The following LONP1 variants were observed in gnomAD, a reference collection of about 807,000 sequenced individuals.
LONP1 encodes lon protease homolog, mitochondrial.
Under a neutral mutation model 98.5 loss-of-function variants are expected in LONP1, and 31 were observed. The observed-to-expected ratio is 0.31, with a 90% CI of 0.24 to 0.42. LONP1 has a LOEUF of 0.42. Among genes scored for constraint, LONP1 ranks in the 20% least tolerant of loss-of-function variants. The probability of loss-of-function intolerance (pLI) is 1.00; values close to 1 mark genes in which losing one functional copy is unlikely to be tolerated. For synonymous variants in LONP1, 781 were observed against 594.7 expected (o/e 1.31, Z -4.56); for missense variants, 1,336 against 1,350.6 (o/e 0.99, Z 0.17).
chr19:5,704,404 C>T (rs1230769179), intron 8 of LONP1, among the ~76,000 whole-genome samples: 1 of 152,172 alleles, frequency 6.6e-6, no homozygotes, highest in African/African-American at 2.4e-5. Context: ...ACAGCCTTCG[C>T]GCGCAACCAG....
At position 5,693,309 on chromosome 19, in the gene LONP1, TCTC is replaced by T; in HGVS notation, c.2689_2691del (p.Glu897del). On this transcript the variant is annotated inframe_deletion, in exon 17 of 18. Transcript: ENST00000360614. ...ACAGGGACACTCACCGCAATGGTCT[TCTC>T]CTTGATGCCACCAACAGGCAGGATC... 1.2e-6 allele frequency: 2 copies of T among 1,611,782 alleles called. No individual in the cohort carries two copies. Among genetic ancestry groups the T allele is most frequent in the Non-Finnish European group, 1.7e-6 (2 of 1,178,662 alleles).
At chr19:5,718,341 G>A (rs769412392) in intron 1 of LONP1, among the ~76,000 whole-genome samples, 19 of 152,000 alleles carry the variant, frequency 1.3e-4, no homozygotes, top group Non-Finnish European at 2.6e-4. Context: ...AGCCAGCCAC[G>A]GTGGCGGGCG....
At chr19:5,701,308 T>A (rs556403778) in intron 8 of LONP1, among the ~76,000 whole-genome samples, 1 of 152,264 alleles carries the variant, frequency 6.6e-6, no homozygotes, top group Non-Finnish European at 1.5e-5. Context: ...CTTCTGCCTC[T>A]GCCTCTGCCC....
intron 8 of LONP1, among the ~76,000 whole-genome samples, chr19:5,702,431 G>A (rs2055069911): frequency 1.3e-5 from 2 of 150,662 alleles, no homozygotes; most frequent in South Asian, 4.2e-4. Context: ...CCCCTACTGG[G>A]AAGTGAGGAG....
intron 1 of LONP1, among the ~76,000 whole-genome samples, chr19:5,718,612 A>T (rs1402541148): frequency 6.6e-6 from 1 of 151,760 alleles, no homozygotes; most frequent in Non-Finnish European, 1.5e-5. Flanking sequence ...GAGTCTGGAG[A>T]GTGAGCGCAG....
In LONP1 at chr19:5,696,266, G is replaced by A. The variant is rs1046216797; in HGVS notation, c.1879C>T (p.Pro627Ser). 7.4e-6 allele frequency: 12 copies of A among 1,613,320 alleles called. No homozygotes were observed. In the East Asian group the frequency reaches 1.1e-4, roughly 15 times the overall value. ...CCCCCCACCTTGGACAAGTCCACGG[G>A]CACGTCCAGGTAGTGGTCCAGGAAG... is the stretch of plus-strand genomic sequence containing the variant. ...ANFLDHYLDV[P>S]VDLSKVLFIC... The change falls in exon 12 of 18, where the codon CCC becomes TCC. Residue 627 changes from proline (P) to serine (S), a missense_variant. This residue lies in a region of LONP1 where 555 missense variants were observed against 542.6 expected (regional missense o/e 1.02). Transcript: ENST00000360614.
chr19:5,703,957 C>T (rs369021608), intron 8 of LONP1, among the ~76,000 whole-genome samples: 9 of 152,194 alleles, frequency 5.9e-5, no homozygotes, highest in Admixed American at 2.6e-4. Flanking sequence ...CGCTGGGAGA[C>T]AGAAGAACCC....
rs527677472 is a variant in LONP1, at chr19:5,719,744, G to C, written c.389C>G (p.Thr130Ser). 8.7e-6 allele frequency: 14 copies of C among 1,613,762 alleles called. No individual in the cohort carries two copies. Among genetic ancestry groups the C allele is most frequent in the Non-Finnish European group, 1.2e-5 (14 of 1,180,040 alleles). Reference sequence around the variant, plus strand: ...AAAGCGCGGGAACACCGGGTTGCGGGTGATGGCGATGAGCGGCAGGTGCGG... The same window carrying C: ...AAAGCGCGGGAACACCGGGTTGCGGCTGATGGCGATGAGCGGCAGGTGCGG... ...VFPHLPLIAI[T>S]RNPVFPRFIK... Residue 130 changes from threonine (T) to serine (S), a missense_variant, in exon 1 of 18, where the codon ACC becomes AGC. This residue lies in a region of LONP1 where 457 missense variants were observed against 403.1 expected (regional missense o/e 1.13). Transcript: ENST00000360614.
At chr19:5,714,548 A>T (rs1201530731) in intron 1 of LONP1, among the ~76,000 whole-genome samples, 1 of 149,814 alleles carries the variant, frequency 6.7e-6, no homozygotes, top group East Asian at 2.0e-4. Flanking sequence ...CAGGTGATCC[A>T]CCCACCTCAG....
In LONP1 at chr19:5,694,773, C is replaced by A; in HGVS notation, c.2142G>T (p.Lys714Asn). 1.9e-6 allele frequency: 3 copies of A among 1,591,012 alleles called. No homozygotes were observed. The highest frequency in any genetic ancestry group is 1.7e-6 in the Non-Finnish European group (2 of 1,161,808). ...GCTGGCCGCTCACCTTCTCCACTTG[C>A]TTCTGCAGGTTGCGGACACCGCTCT... ...CRESGVRNLQ[K>N]QVEKVLRKSA... The change falls in exon 14 of 18, where the codon AAG becomes AAT. Residue 714 changes from lysine to asparagine, a missense_variant. Lys to Asn is a moderately conservative substitution (Grantham distance 94, BLOSUM62 0). Around this residue, in one of 5 missense-constraint regions of LONP1, gnomAD observed 555 missense variants for 542.6 expected, o/e 1.02. Coordinates refer to ENST00000360614, the MANE Select transcript of LONP1 (RefSeq NM_004793.4).
At chr19:5,697,382 A>G (rs1411146543) in intron 10 of LONP1, among the ~76,000 whole-genome samples, 1 of 151,652 alleles carries the variant, frequency 6.6e-6, no homozygotes, top group South Asian at 2.1e-4. Context: ...GGAGAGAGCC[A>G]CGTGAGGGTC....
At chr19:5,710,768 A>G (rs2055224084) in intron 4 of LONP1, among the ~76,000 whole-genome samples, 1 of 152,072 alleles carries the variant, frequency 6.6e-6, no homozygotes, top group Non-Finnish European at 1.5e-5. Context: ...GCTCACGACT[A>G]TAATCCCAGC....
chr19:5,697,185 C>G (rs72979052), intron 10 of LONP1, among the ~76,000 whole-genome samples: 5 of 151,992 alleles, frequency 3.3e-5, no homozygotes, highest in Non-Finnish European at 7.4e-5. Flanking sequence ...CACAGGGGCC[C>G]GGCCCGCGAC....
rs751079694 is a variant in LONP1, at chr19:5,713,188, T to C, written c.584A>G (p.His195Arg). The C allele has an allele frequency of 1.5e-5, 25 of 1,614,048 alleles. No individual in the cohort carries two copies. Among genetic ancestry groups the C allele is most frequent in the East Asian group, 2.2e-5 (1 of 44,884 alleles). The part of the protein sequence containing the change: ...IYHTGTFAQI[H>R]EMQDLGDKLR... ...CTTGTCCCCAAGGTCCTGCATCTCA[T>C]GGATCTGGGCAAACGTCCCCGTGTG... The change falls in exon 3 of 18, where the codon CAT (histidine) becomes CGT (arginine). Residue 195 changes from histidine (H) to arginine (R), a missense_variant. Physicochemically the swap from His to Arg is conservative, Grantham distance 29. This residue lies in a region of LONP1 where 457 missense variants were observed against 403.1 expected (regional missense o/e 1.13). Coordinates refer to ENST00000360614, the MANE Select transcript of LONP1 (RefSeq NM_004793.4).
At chr19:5,695,521 C>CA (rs1431128288) in intron 13 of LONP1, among the ~76,000 whole-genome samples, 1 of 152,218 alleles carries the variant, frequency 6.6e-6, no homozygotes, top group Non-Finnish European at 1.5e-5. Flanking sequence ...TTGAAGCCCC[C>CA]AGGGGACACG....
chr19:5,707,591 G>T, intron 6 of LONP1, 106 bp downstream of exon 6: 1 of 1,237,184 alleles, frequency 8.1e-7, no homozygotes, highest in Non-Finnish European at 1.2e-6. Context: ...AGGGCAGCCA[G>T]GCATGGGGGA....
intron 8 of LONP1, 104 bp downstream of exon 8, chr19:5,705,668 C>T: frequency 1.0e-6 from 1 of 959,984 alleles, no homozygotes; most frequent in Non-Finnish European, 1.6e-6. Flanking sequence ...CCTGCCACAC[C>T]AAGAAGGTGC....
chr19:5,708,107 C>T, intron 5 of LONP1: 1 of 610,138 alleles, frequency 1.6e-6, no homozygotes. Context: ...GCCAATGCCA[C>T]CAACAGCTTC....
rs1369799554 is a variant in LONP1 at position 5,719,835 on chromosome 19, TGCCCCCCGCGCC to T, written c.286_297del (p.Gly96_Gly99del). ...ACCGGGCCTTCCCCGGCGCCCGCGC[TGCCCCCCGCGCC>T]GCCGGCTCCTTCCTCCGCGCCGCCC... On this transcript the variant is annotated inframe_deletion, in exon 1 of 18. Coordinates refer to ENST00000360614, the MANE Select transcript of LONP1 (RefSeq NM_004793.4). 7 of 1,608,826 alleles carry T rather than the reference TGCCCCCCGCGCC, an allele frequency of 4.4e-6. No individual in the cohort carries two copies. The East Asian group carries it at 8.9e-5, about 21-fold the overall frequency.
Sources: allele counts gnomAD v4.1 joint callset (sites outside exome capture counted in the v4.1 genomes callset), GRCh38; gene constraint gnomAD v4.1.1; regional missense constraint gnomAD v4.1.1; transcripts MANE v1.5; gene names NCBI Gene and HGNC (gene_info 2026-07-23, HGNC 2026-07-21).